The following ZNF208 variants were observed in gnomAD, a reference collection of about 807,000 sequenced individuals.
The protein encoded by ZNF208 is zinc finger protein 95.
ZNF208 carries 10 observed loss-of-function variants against 12.1 expected under a neutral mutation model. The observed-to-expected ratio is 0.83, with a 90% CI of 0.51 to 1.40. The LOEUF is 1.40. ZNF208 is among the 40% of genes most tolerant of loss of function. ZNF208 has a pLI of 0.00. For synonymous variants in ZNF208, 497 were observed against 488.4 expected (o/e 1.02, Z -0.23); for missense variants, 1,652 against 1,485.0 (o/e 1.11, Z -1.85).
At chr19:21,964,534 GCCT>G (rs1262760289), downstream of ZNF208, among the ~76,000 whole-genome samples, 6 of 151,530 alleles carry the variant, frequency 4.0e-5, no homozygotes, top group Non-Finnish European at 5.9e-5. Context: ...AAAACAATAT[GCCT>G]TCTTCTCTCT....
chr19:22,008,875 A>G (rs1035899270), intron 1 of ZNF208, among the ~76,000 whole-genome samples: 2 of 152,176 alleles, frequency 1.3e-5, no homozygotes, highest in African/African-American at 4.8e-5. Context: ...AAGAGAGGCT[A>G]CACTGTGTAC....
chr19:22,003,570 T>TA (rs1487830271), intron 1 of ZNF208, among the ~76,000 whole-genome samples: 1 of 150,226 alleles, frequency 6.7e-6, no homozygotes, highest in Non-Finnish European at 1.5e-5. Flanking sequence ...AACAAGCATG[T>TA]AAAAAAATGC....
chr19:22,008,743 C>T (rs1393165029), intron 1 of ZNF208, among the ~76,000 whole-genome samples: 3 of 152,154 alleles, frequency 2.0e-5, no homozygotes, highest in Non-Finnish European at 4.4e-5. Context: ...AAAGACAACA[C>T]TAATATCTCA....
chr19:22,001,337 G>C (rs1970942956), intron 1 of ZNF208, among the ~76,000 whole-genome samples: 1 of 151,950 alleles, frequency 6.6e-6, no homozygotes, highest in Non-Finnish European at 1.5e-5. Context: ...ACATAGATAA[G>C]CTCAAAATAT....
At chr19:21,999,251 T>C (rs11668920) in intron 1 of ZNF208, among the ~76,000 whole-genome samples, 58,820 of 151,894 alleles carry the variant, frequency 0.39, 11,794 homozygotes, top group East Asian at 0.48. Flanking sequence ...TGAACTATAC[T>C]TCAGTTGAAA....
In ZNF208 at chr19:21,969,685, C is replaced by T. The variant is rs1970243500; in HGVS notation, c.*1506G>A. The stretch of plus-strand genomic sequence containing the variant: ...AGTTGGAACAACTACCTCAGGTTTT[C>T]CTGTAGTACAAAATGTGTACAATAA... On this transcript the variant is annotated 3_prime_UTR_variant, in exon 4 of 4. Coordinates refer to ENST00000397126, the MANE Select transcript of ZNF208 (RefSeq NM_007153.3). Among the ~76,000 whole-genome samples the T allele has an allele frequency of 6.6e-6, 1 of 152,152 alleles. No individual in the cohort carries two copies. Among genetic ancestry groups the T allele is most frequent in the South Asian group, 2.1e-4 (1 of 4,834 alleles).
At position 22,001,892 on chromosome 19, in the gene ZNF208, C is replaced by CAAAAAAAAAAAAAAAAAAAAAAA. The variant is rs58939967; in HGVS notation, c.3+8877_3+8899dup. Among the ~76,000 whole-genome samples, 77 of 74,104 alleles carry CAAAAAAAAAAAAAAAAAAAAAAA rather than the reference C, an allele frequency of 1.0e-3. 13 individuals carry two copies. The highest frequency in any genetic ancestry group is 1.4e-3 in the Non-Finnish European group (53 of 36,776). 48.6% of individuals were successfully genotyped at this position (74,104 alleles called of 152,430 possible). A position where few individuals can be genotyped will look rare whatever the true frequency, so the allele number is the denominator to read the frequency against. Reference sequence around the variant, plus strand: ...TGGATGACACAGTGAGACTCCATCCCAAAAAAAAAAAAAAAAAAAAAAAAA... The same window carrying CAAAAAAAAAAAAAAAAAAAAAAA: ...TGGATGACACAGTGAGACTCCATCCCAAAAAAAAAAAAAAAAAAAAAAAAAAAAAAAAAAAAAAAAAAAAAAAA... On this transcript the variant is annotated intron_variant, in intron 1 of 3. Transcript: ENST00000397126.
In ZNF208 at chr19:21,967,317, G is replaced by A. The variant is rs1970190399; in HGVS notation, c.*3874C>T. ...TAAATAGGGAGTTAATTCCCCTTTT[G>A]TTTATTTCTGTTGGCTTTGTAAAAA... On this transcript the variant is annotated 3_prime_UTR_variant, in exon 4 of 4. Coordinates refer to ENST00000397126, the MANE Select transcript of ZNF208 (RefSeq NM_007153.3). 6.6e-6 allele frequency: 1 copy of A among 151,560 alleles called. No individual in the cohort carries two copies. Among genetic ancestry groups the A allele is most frequent in the African/African-American group, 2.4e-5 (1 of 41,280 alleles). The allele number at this position is 151,560 out of a possible 1,614,324, so 9.4% of individuals were successfully genotyped here. A position where few individuals can be genotyped will look rare whatever the true frequency, so the allele number is the denominator to read the frequency against.
chr19:21,958,531 C>A (rs1970013824), intron 4 of ZNF208, among the ~76,000 whole-genome samples: 1 of 152,150 alleles, frequency 6.6e-6, no homozygotes, highest in Admixed American at 6.5e-5. Flanking sequence ...ATAACTATAG[C>A]TACCAGTTAT....
intron 4 of ZNF208, among the ~76,000 whole-genome samples, chr19:21,960,085 CA>C (rs1441174001): frequency 6.6e-6 from 1 of 152,088 alleles, no homozygotes; most frequent in Non-Finnish European, 1.5e-5. Flanking sequence ...CCAATTTAAT[CA>C]GAAGCTTCTT....
At chr19:21,956,134 G>T (rs541254990) in intron 4 of ZNF208, among the ~76,000 whole-genome samples, 9 of 152,198 alleles carry the variant, frequency 5.9e-5, no homozygotes. Flanking sequence ...TATCACCAGC[G>T]GAGGCTGCAG....
In ZNF208 at chr19:21,988,778, C is replaced by A; in HGVS notation, c.130+5G>T. On this transcript the variant is annotated splice_donor_5th_base_variant and intron_variant, in intron 2 of 3. Coordinates refer to ENST00000397126, the MANE Select transcript of ZNF208 (RefSeq NM_007153.3). ...CTAGGAATTGCGTATTAAAGTTATT[C>A]TCACCCAGGAAGACCAGGTTTCTGT... is the stretch of plus-strand genomic sequence containing the variant. 3 of 1,614,038 alleles carry A rather than the reference C, an allele frequency of 1.9e-6. No individual in the cohort carries two copies.
intron 3 of ZNF208, among the ~76,000 whole-genome samples, chr19:21,980,747 A>C (rs185223396): frequency 4.6e-5 from 7 of 152,126 alleles, no homozygotes; most frequent in African/African-American, 1.7e-4. Flanking sequence ...AGACACAAAA[A>C]ATCCTTCAAA....
intron 1 of ZNF208, among the ~76,000 whole-genome samples, chr19:22,003,985 A>G (rs1270805227): frequency 6.6e-6 from 1 of 151,992 alleles, no homozygotes; most frequent in Non-Finnish European, 1.5e-5. Flanking sequence ...CATGGACAAC[A>G]TGGCAAAATC....
intron 4 of ZNF208, among the ~76,000 whole-genome samples, chr19:21,956,610 G>C (rs117692222): frequency 8.5e-5 from 13 of 152,274 alleles, no homozygotes; most frequent in Middle Eastern, 3.4e-3. Flanking sequence ...AGTGAGTAAG[G>C]CTCCTTGGGC....
intron 3 of ZNF208, among the ~76,000 whole-genome samples, chr19:21,975,823 C>CAAAAAAAAAAAA (rs532995268): frequency 3.8e-5 from 1 of 26,410 alleles, no homozygotes; most frequent in Non-Finnish European, 6.7e-5. Flanking sequence ...AGTCAAAGTC[C>CAAAAAAAAAAAA]AAAAAAAAAA....
chr19:22,009,746 C>A (rs1044295207), intron 1 of ZNF208, among the ~76,000 whole-genome samples: 1,480 of 107,202 alleles, frequency 0.014, no homozygotes, highest in African/African-American at 0.017. Context: ...GACTTGGTCT[C>A]AAAAAAAAAA....
At position 21,974,743 on chromosome 19, in the gene ZNF208, T is replaced by C. The variant is rs1156533198; in HGVS notation, c.291A>G (p.Lys97=). The change falls in exon 4 of 4, where the codon AAA becomes AAG. Residue 97 remains lysine, a synonymous_variant. Transcript: ENST00000397126. ...ATTTTTCATACCTTCTCAATATCAC[T>C]TTTTGGAAAGAATCTTCTATGCCCT... is the stretch of plus-strand genomic sequence containing the variant. ...PEQGIEDSFQ[K]VILRRYEKCG... 2 of 1,610,934 alleles carry C rather than the reference T, an allele frequency of 1.2e-6. No individual in the cohort carries two copies. The highest frequency in any genetic ancestry group is 1.7e-6 in the Non-Finnish European group (2 of 1,178,744).
chr19:22,010,784 A>T lies in ZNF208; in HGVS notation c.3+8T>A. 1 of 1,614,138 alleles carries T rather than the reference A, an allele frequency of 6.2e-7. No individual in the cohort carries two copies. On this transcript the variant is annotated splice_region_variant and intron_variant, in intron 1 of 3. Transcript: ENST00000397126. Reference sequence around the variant, plus strand: ...ACTCTCTCAGTGTGTCGGACCCGGCACACTCACCATTTCTAGGCTTCCAGG... The same window carrying T: ...ACTCTCTCAGTGTGTCGGACCCGGCTCACTCACCATTTCTAGGCTTCCAGG...
Sources: allele counts gnomAD v4.1 joint callset (sites outside exome capture counted in the v4.1 genomes callset), GRCh38; gene constraint gnomAD v4.1.1; transcripts MANE v1.5; gene names NCBI Gene and HGNC (gene_info 2026-07-23, HGNC 2026-07-21).